The following DSE variants were observed in gnomAD, a reference collection of about 807,000 sequenced individuals.
DSE encodes the protein dermatan-sulfate epimerase.
DSE carries 36 observed loss-of-function variants against 84.4 expected under a neutral mutation model. The ratio of observed to expected loss-of-function variants is 0.43; its 90% CI spans 0.33 to 0.56. The LOEUF is 0.56. DSE is among the 20% of genes least tolerant of loss of function. The pLI is 0.06. For synonymous variants in DSE, 410 were observed against 430.1 expected, an observed-to-expected ratio of 0.95 and a Z score of 0.58; for missense variants, 862 against 1,169.6, an observed-to-expected ratio of 0.74 and a Z score of 3.84.
At chr6:116,341,369 TG>T (rs1318266474) in intron 2 of DSE, among the ~76,000 whole-genome samples, 2 of 152,228 alleles carry the variant, frequency 1.3e-5, no homozygotes. Flanking sequence ...TTGTAGATTC[TG>T]GATATTAGCC....
exon 2 of DSE, chr6:116,258,763 T>A (rs1167001986): frequency 1.2e-6 from 2 of 1,609,920 alleles, no homozygotes; most frequent in Admixed American, 3.3e-5. Context: ...GGGACCACTG[T>A]TGATGATGGC....
At chr6:116,296,095 A>C (rs560358635) in intron 2 of DSE, among the ~76,000 whole-genome samples, 1 of 152,142 alleles carries the variant, frequency 6.6e-6, no homozygotes, top group African/African-American at 2.4e-5. Flanking sequence ...CTTGGTATCC[A>C]GGGGAATTGG....
intron 2 of DSE, among the ~76,000 whole-genome samples, chr6:116,402,694 A>G (rs1159128888): frequency 6.6e-6 from 1 of 152,218 alleles, no homozygotes; most frequent in Non-Finnish European, 1.5e-5. Context: ...TCTCAAAACT[A>G]GAACATCTGT....
At chr6:116,382,418 C>T (rs528717046) in intron 1 of DSE, among the ~76,000 whole-genome samples, 7 of 152,264 alleles carry the variant, frequency 4.6e-5, no homozygotes, top group South Asian at 2.1e-4. Flanking sequence ...CATTCCCCTA[C>T]GTAGCCACAT....
At chr6:116,312,750 A>G (rs1473335730) in intron 2 of DSE, among the ~76,000 whole-genome samples, 2 of 152,074 alleles carry the variant, frequency 1.3e-5, no homozygotes, top group Admixed American at 1.3e-4. Context: ...ACACATTGTT[A>G]TGGATTGAGT....
chr6:116,426,494 C>A, intron 2 of DSE, 80 bp from the exon 3 acceptor site: 1 of 1,543,116 alleles, frequency 6.5e-7, no homozygotes, highest in South Asian at 1.3e-5. Flanking sequence ...CCCTTTAGTT[C>A]TGAGAAATAG....
Position 116,434,563 on chromosome 6 carries a change from A to G in DSE, c.1118+1013A>G, listed in dbSNP as rs116191601. On this transcript the variant is annotated intron_variant, in intron 5 of 5. Coordinates refer to ENST00000644252, the MANE Select transcript of DSE (RefSeq NM_013352.4). ...ATAAATATTCAATGAAGAGAGTTCT[A>G]TAAAGCTAACTACAGGATTAATAGG... is the stretch of plus-strand genomic sequence containing the variant. 8.8e-3 allele frequency among the ~76,000 whole-genome samples: 1,338 copies of G among 152,286 alleles called. 21 individuals carry two copies. Among genetic ancestry groups the G allele is most frequent in the African/African-American group, 0.031 (1,284 of 41,564 alleles).
rs938545624 is a variant in DSE, at chr6:116,441,206, A to T, written c.*3861A>T. On this transcript the variant is annotated 3_prime_UTR_variant, in exon 6 of 6. Coordinates refer to ENST00000644252, the MANE Select transcript of DSE (RefSeq NM_013352.4). ...TGGTCATCTATTTTAATATGTTCAA[A>T]TTCTGTTAAACAAGACATAGTCACT... is the stretch of plus-strand genomic sequence containing the variant. 2 of 152,196 alleles carry T rather than the reference A, an allele frequency of 1.3e-5. No individual in the cohort carries two copies. Among genetic ancestry groups the T allele is most frequent in the African/African-American group, 4.8e-5 (2 of 41,450 alleles). The allele number at this position is 152,196 out of a possible 1,614,324, so 9.4% of individuals were successfully genotyped here. A position where few individuals can be genotyped will look rare whatever the true frequency, so the allele number is the denominator to read the frequency against.
At chr6:116,417,088 T>A (rs543168458) in intron 2 of DSE, among the ~76,000 whole-genome samples, 1 of 152,220 alleles carries the variant, frequency 6.6e-6, no homozygotes. Flanking sequence ...TTAACCGTAG[T>A]CTTTAAGCTA....
chr6:116,299,553 C>T (rs4270821), intron 2 of DSE, among the ~76,000 whole-genome samples: 2,252 of 39,194 alleles, frequency 0.057, 172 homozygotes, highest in African/African-American at 0.14. Context: ...TATATATATA[C>T]ACATACACAC....
At chr6:116,277,039 G>A (rs1773174110) in intron 2 of DSE, 1 of 152,162 alleles carries the variant, frequency 6.6e-6, no homozygotes. Flanking sequence ...CTATTCATAT[G>A]TCTCTATATT....
At chr6:116,279,419 G>C (rs1409208425) in intron 2 of DSE, 1 of 1,613,382 alleles carries the variant, frequency 6.2e-7, no homozygotes, top group East Asian at 2.2e-5. Context: ...GCGGATCTCT[G>C]GGCGCCACAG....
intron 3 of DSE, among the ~76,000 whole-genome samples, chr6:116,430,615 C>T (rs1724671691): frequency 6.6e-6 from 1 of 152,078 alleles, no homozygotes; most frequent in African/African-American, 2.4e-5. Context: ...GATCTCCGCT[C>T]ACTGCAAGCT....
chr6:116,333,142 A>G (rs920448461), intron 2 of DSE, among the ~76,000 whole-genome samples: 4 of 152,218 alleles, frequency 2.6e-5, no homozygotes, highest in Non-Finnish European at 5.9e-5. Context: ...ATTTACATAT[A>G]TTCACATAAA....
chr6:116,369,303 A>T (rs982933834), upstream of DSE, among the ~76,000 whole-genome samples: 3 of 152,198 alleles, frequency 2.0e-5, no homozygotes, highest in Non-Finnish European at 4.4e-5. Context: ...GTTTTTTCTA[A>T]AGTCTCTTTC....
intron 2 of DSE, among the ~76,000 whole-genome samples, chr6:116,322,770 T>G (rs925844926): frequency 2.6e-5 from 4 of 152,214 alleles, no homozygotes; most frequent in African/African-American, 9.7e-5. Flanking sequence ...TCAGCCCATG[T>G]GCATGTGTAA....
intron 2 of DSE, among the ~76,000 whole-genome samples, chr6:116,297,582 G>C (rs1422038177): frequency 4.6e-5 from 7 of 152,176 alleles, no homozygotes; most frequent in Admixed American, 4.6e-4. Context: ...TTAGTGGTTT[G>C]GGATTATTTG....
chr6:116,265,709 C>T (rs1772592551), intron 2 of DSE, among the ~76,000 whole-genome samples: 1 of 152,090 alleles, frequency 6.6e-6, no homozygotes, highest in South Asian at 2.1e-4. Context: ...CCAGGAGAGG[C>T]CAGCAAATCA....
intron 1 of DSE, among the ~76,000 whole-genome samples, chr6:116,389,222 T>C (rs1780744755): frequency 6.6e-6 from 1 of 152,128 alleles, no homozygotes; most frequent in Non-Finnish European, 1.5e-5. Context: ...ACAGAAACCC[T>C]ATGAGGGAGG....
Sources: allele counts gnomAD v4.1 joint callset (sites outside exome capture counted in the v4.1 genomes callset), GRCh38; gene constraint gnomAD v4.1.1; transcripts MANE v1.5; gene names NCBI Gene and HGNC (gene_info 2026-07-23, HGNC 2026-07-21).